The following ADAM18 variants were observed in gnomAD, a reference collection of about 807,000 sequenced individuals.
The protein encoded by ADAM18 is ADAM metallopeptidase domain 18, also known as disintegrin and metalloproteinase domain-containing protein 18.
Under a neutral mutation model 94.4 loss-of-function variants are expected in ADAM18, and 117 were observed. That is an observed-to-expected ratio of 1.24 (90% CI 1.07 to 1.45). The LOEUF (loss-of-function observed/expected upper bound fraction) is 1.45. ADAM18 is among the 40% of genes most tolerant of loss of function. The pLI, the probability that ADAM18 is intolerant of heterozygous loss-of-function variation, is 0.00. For synonymous variants in ADAM18, 327 were observed against 291.6 expected, an observed-to-expected ratio of 1.12 and a Z score of -1.24; for missense variants, 936 against 880.0, an observed-to-expected ratio of 1.06 and a Z score of -0.81.
chr8:39,639,966 G>A (rs1283790049), intron 10 of ADAM18, among the ~76,000 whole-genome samples: 1 of 151,962 alleles, frequency 6.6e-6, no homozygotes, highest in Non-Finnish European at 1.5e-5. Flanking sequence ...TACTGACAAA[G>A]AAAAATGGGA....
At chr8:39,696,039 T>A (rs1821916608) in intron 17 of ADAM18, among the ~76,000 whole-genome samples, 1 of 151,442 alleles carries the variant, frequency 6.6e-6, no homozygotes, top group Admixed American at 6.6e-5. Flanking sequence ...GGTTCCAATT[T>A]CTCTACATCC....
Position 39,614,413 on chromosome 8 carries a change from A to G in ADAM18, c.522+3707A>G, listed in dbSNP as rs1819376404. ...GAAGAAATAAAATCCTTTTCAGACAAGCAAATGCAGAGAGAATTTGTTCCA... is the reference window on the plus strand; with the variant it reads ...GAAGAAATAAAATCCTTTTCAGACAGGCAAATGCAGAGAGAATTTGTTCCA... On this transcript the variant is annotated intron_variant, in intron 6 of 19. Coordinates refer to ENST00000265707, the MANE Select transcript of ADAM18 (RefSeq NM_014237.3). 2.0e-5 allele frequency among the ~76,000 whole-genome samples: 3 copies of G among 152,340 alleles called. No homozygotes were observed. In the South Asian group the frequency reaches 6.2e-4, roughly 32 times the overall value.
intron 6 of ADAM18, chr8:39,611,435 C>G (rs1430866859): frequency 1.1e-6 from 1 of 949,454 alleles, no homozygotes; most frequent in Non-Finnish European, 1.2e-6. Context: ...AAAAAAAAAT[C>G]CCATGAAGCT....
chr8:39,596,842 G>A (rs552073105), intron 2 of ADAM18, among the ~76,000 whole-genome samples: 3 of 152,276 alleles, frequency 2.0e-5, no homozygotes, highest in Non-Finnish European at 4.4e-5. Context: ...AATTGGGGTT[G>A]TCAGTGTTTG....
intron 2 of ADAM18, chr8:39,605,807 C>G (rs749413339): frequency 1.6e-4 from 29 of 178,566 alleles, no homozygotes; most frequent in Non-Finnish European, 3.1e-4. Context: ...GCACCCATCA[C>G]CCGAGCAGTA....
At chr8:39,611,565 A>T in intron 6 of ADAM18, 4 of 985,416 alleles carry the variant, frequency 4.1e-6, no homozygotes, top group Non-Finnish European at 4.8e-6. Context: ...TAAAAAAAGC[A>T]TTCTTCTCGG....
At chr8:39,672,068 GA>G (rs964937942) in intron 14 of ADAM18, among the ~76,000 whole-genome samples, 29 of 150,712 alleles carry the variant, frequency 1.9e-4, no homozygotes, top group African/African-American at 3.9e-4. Context: ...CAGCAGCATG[GA>G]AAAAAAAAGA....
intron 2 of ADAM18, among the ~76,000 whole-genome samples, chr8:39,589,567 G>A (rs970715292): frequency 1.6e-4 from 25 of 151,638 alleles, no homozygotes; most frequent in East Asian, 7.7e-4. Context: ...CTTGACATGC[G>A]TATTTTACAC....
chr8:39,674,440 C>A (rs1821242544), intron 14 of ADAM18, among the ~76,000 whole-genome samples: 1 of 152,146 alleles, frequency 6.6e-6, no homozygotes, highest in African/African-American at 2.4e-5. Flanking sequence ...ACTAGGATTG[C>A]AACCCCTGCT....
At chr8:39,640,851 T>G (rs188856126) in intron 10 of ADAM18, among the ~76,000 whole-genome samples, 1 of 151,798 alleles carries the variant, frequency 6.6e-6, no homozygotes, top group Admixed American at 6.6e-5. Context: ...TCTTGTCCTT[T>G]GTCCACTTTG....
At position 39,609,126 on chromosome 8, in the gene ADAM18, G is replaced by A. The variant is rs762037315; in HGVS notation, c.267+6G>A. On this transcript the variant is annotated splice_donor_region_variant and intron_variant, in intron 4 of 19. Coordinates refer to ENST00000265707, the MANE Select transcript of ADAM18 (RefSeq NM_014237.3). ...CTGTGTCTCCATATTTTATGGTAAA[G>A]TAAGATACCTTATTTTTTTTGTTAA... 2 of 1,527,176 alleles carry A rather than the reference G, an allele frequency of 1.3e-6. No homozygotes were observed. Among genetic ancestry groups the A allele is most frequent in the East Asian group, 4.6e-5 (2 of 43,920 alleles). The allele number at this position is 1,527,176 out of a possible 1,614,324, so 94.6% of individuals were successfully genotyped here. A position where few individuals can be genotyped will look rare whatever the true frequency, so the allele number is the denominator to read the frequency against.
intron 7 of ADAM18, among the ~76,000 whole-genome samples, chr8:39,631,488 G>A (rs1819929476): frequency 6.6e-6 from 1 of 151,856 alleles, no homozygotes; most frequent in South Asian, 2.1e-4. Flanking sequence ...AAATTATGTA[G>A]TATAATTGTG....
chr8:39,729,705 A>G (rs1823020460), intron 19 of ADAM18, among the ~76,000 whole-genome samples, 193 bp from the exon 20 acceptor site: 2 of 151,998 alleles, frequency 1.3e-5, no homozygotes, highest in African/African-American at 4.8e-5. Flanking sequence ...TATAATATAG[A>G]TAAGAACCAA....
chr8:39,678,773 C>T (rs1821361353), intron 15 of ADAM18, among the ~76,000 whole-genome samples: 1 of 152,136 alleles, frequency 6.6e-6, no homozygotes, highest in Non-Finnish European at 1.5e-5. Context: ...TGGACTTTGT[C>T]TTATGTGATA....
chr8:39,710,070 C>A (rs1460303346), intron 18 of ADAM18, among the ~76,000 whole-genome samples: 1 of 152,064 alleles, frequency 6.6e-6, no homozygotes, highest in Non-Finnish European at 1.5e-5. Flanking sequence ...TTTAGCTAAT[C>A]AAAGTAACTC....
At chr8:39,667,268 G>A (rs1051288042) in intron 13 of ADAM18, among the ~76,000 whole-genome samples, 3 of 151,868 alleles carry the variant, frequency 2.0e-5, no homozygotes, top group Admixed American at 6.6e-5. Flanking sequence ...CAGGCGTGGT[G>A]GCATGTACCT....
intron 16 of ADAM18, chr8:39,685,269 A>AC (rs767689708): frequency 6.6e-6 from 1 of 152,124 alleles, no homozygotes; most frequent in Non-Finnish European, 1.5e-5. Flanking sequence ...CCATGGAGAC[A>AC]CCCCCAAGGT....
chr8:39,632,163 G>A (rs768101829), intron 7 of ADAM18, among the ~76,000 whole-genome samples: 13 of 149,660 alleles, frequency 8.7e-5, no homozygotes, highest in Admixed American at 2.0e-4. Flanking sequence ...TTTTTACTCC[G>A]TTTTGCATTT....
rs76526698 is a variant in ADAM18, at chr8:39,603,421, A to G, written c.133-2886A>G. On this transcript the variant is annotated intron_variant, in intron 2 of 19. Transcript: ENST00000265707. The stretch of plus-strand genomic sequence containing the variant: ...AATTCACACCTGTGTCAAGCAAGTT[A>G]CCTGTGCCACTTGTACAACAGCATG... 5.9e-5 allele frequency among the ~76,000 whole-genome samples: 9 copies of G among 152,326 alleles called. No individual in the cohort carries two copies. In the East Asian group the frequency reaches 1.7e-3, roughly 29 times the overall value.
Sources: allele counts gnomAD v4.1 joint callset (sites outside exome capture counted in the v4.1 genomes callset), GRCh38; gene constraint gnomAD v4.1.1; transcripts MANE v1.5; gene names NCBI Gene and HGNC (gene_info 2026-07-23, HGNC 2026-07-21).